Variants in CSRNP3 observed in about 807,000 individuals in gnomAD.
CSRNP3 encodes the protein cysteine/serine-rich nuclear protein 3.
CSRNP3 carries 12 observed loss-of-function variants against 48.0 expected under a neutral mutation model. That is an observed-to-expected ratio of 0.25 (90% CI 0.16 to 0.41). CSRNP3 has a LOEUF of 0.41. CSRNP3 is among the 10% of genes least tolerant of loss of function. The probability of loss-of-function intolerance (pLI) is 1.00; values close to 1 mark genes in which losing one functional copy is unlikely to be tolerated. For missense variants in CSRNP3, 580 were observed against 724.4 expected (o/e 0.80, Z 2.29); for synonymous variants, 263 against 269.7 (o/e 0.98, Z 0.24).
chr2:165,554,021 G>A (rs886936965), intron 3 of CSRNP3, among the ~76,000 whole-genome samples: 2 of 152,110 alleles, frequency 1.3e-5, no homozygotes, highest in African/African-American at 4.8e-5. Context: ...AAAACTGCTT[G>A]TGAAGATCAC....
Position 165,679,819 on chromosome 2 carries a change from G to T in CSRNP3, c.*66G>T. ...GGCACTGTATTTAATTGGATTTCCT[G>T]GGCTCATCATTGTTTAAACTGAAGA... On this transcript the variant is annotated 3_prime_UTR_variant, in exon 7 of 7. Coordinates refer to ENST00000651982, the MANE Select transcript of CSRNP3 (RefSeq NM_001172173.2). 1 of 1,536,748 alleles carries T rather than the reference G, an allele frequency of 6.5e-7. No individual in the cohort carries two copies.
chr2:165,492,166 C>T (rs1457788196), intron 1 of CSRNP3, among the ~76,000 whole-genome samples: 1 of 152,114 alleles, frequency 6.6e-6, no homozygotes, highest in Non-Finnish European at 1.5e-5. Context: ...CCACTGAATC[C>T]TCCCTACTAG....
At chr2:165,570,372 T>C (rs1219573486) in intron 3 of CSRNP3, among the ~76,000 whole-genome samples, 7 of 152,034 alleles carry the variant, frequency 4.6e-5, no homozygotes, top group Non-Finnish European at 1.0e-4. Flanking sequence ...GTGTTTTAAT[T>C]GCTAGCTATT....
chr2:165,637,276 G>T (rs1686643703), intron 4 of CSRNP3, among the ~76,000 whole-genome samples: 1 of 152,236 alleles, frequency 6.6e-6, no homozygotes, highest in Non-Finnish European at 1.5e-5. Flanking sequence ...AATGGAACGT[G>T]AATCCAAAAG....
chr2:165,597,914 TA>T (rs1468396933), intron 4 of CSRNP3, among the ~76,000 whole-genome samples: 2 of 152,162 alleles, frequency 1.3e-5, no homozygotes, highest in East Asian at 3.9e-4. Flanking sequence ...ATTTCTCCAA[TA>T]AAAAATACTA....
chr2:165,642,562 CTTT>C (rs36072196), intron 4 of CSRNP3, among the ~76,000 whole-genome samples: 2 of 135,250 alleles, frequency 1.5e-5, no homozygotes, highest in Non-Finnish European at 1.6e-5. Flanking sequence ...TATGCATATT[CTTT>C]TTTTTTTTTT....
chr2:165,515,180 C>G (rs1188334411), intron 2 of CSRNP3, among the ~76,000 whole-genome samples: 2 of 151,756 alleles, frequency 1.3e-5, no homozygotes, highest in African/African-American at 4.8e-5. Context: ...AAAATATTAG[C>G]CAGGTGTGCT....
chr2:165,558,596 T>C (rs550825671), intron 3 of CSRNP3, among the ~76,000 whole-genome samples: 1 of 152,250 alleles, frequency 6.6e-6, no homozygotes, highest in African/African-American at 2.4e-5. Context: ...TAAGAGAGTT[T>C]GTAAGACACA....
chr2:165,612,646 T>C (rs1468969119), intron 4 of CSRNP3, among the ~76,000 whole-genome samples: 1 of 152,020 alleles, frequency 6.6e-6, no homozygotes, highest in African/African-American at 2.4e-5. Flanking sequence ...AAATTTTTTT[T>C]AGCTCTCACA....
rs1401143160 is a variant in CSRNP3, at chr2:165,680,763, A to G, written c.*1010A>G. 2 of 152,208 alleles carry G rather than the reference A, an allele frequency of 1.3e-5. No individual in the cohort carries two copies. The highest frequency in any genetic ancestry group is 2.9e-5 in the Non-Finnish European group (2 of 68,038). The allele number at this position is 152,208 out of a possible 1,614,324, so 9.4% of individuals were successfully genotyped here. A position where few individuals can be genotyped will look rare whatever the true frequency, so the allele number is the denominator to read the frequency against. On this transcript the variant is annotated 3_prime_UTR_variant, in exon 7 of 7. Transcript: ENST00000651982. ...ATTAATATAGAGGAATCATCCAATG[A>G]TACTTATGAAGGGAAAATGACCTAT...
intron 5 of CSRNP3, among the ~76,000 whole-genome samples, chr2:165,667,966 A>G (rs1260960461): frequency 6.6e-5 from 10 of 152,224 alleles, no homozygotes; most frequent in Non-Finnish European, 1.3e-4. Context: ...AAGAATATTC[A>G]CTTATTCATT....
Position 165,661,072 on chromosome 2 carries a change from C to A in CSRNP3, c.408+3052C>A, listed in dbSNP as rs201707292. Among the ~76,000 whole-genome samples the A allele has an allele frequency of 5.3e-5, 8 of 152,242 alleles. No homozygotes were observed. In the East Asian group the frequency reaches 1.2e-3, roughly 22 times the overall value. On this transcript the variant is annotated intron_variant, in intron 5 of 6. Coordinates refer to ENST00000651982, the MANE Select transcript of CSRNP3 (RefSeq NM_001172173.2). ...CATTGTAATTCCTCTAGTATGTGAACTTTTATGATTTTTAAAATATTATTG... is the reference window on the plus strand; with the variant it reads ...CATTGTAATTCCTCTAGTATGTGAAATTTTATGATTTTTAAAATATTATTG...
At chr2:165,667,421 G>T (rs1382251868) in intron 5 of CSRNP3, among the ~76,000 whole-genome samples, 3 of 152,032 alleles carry the variant, frequency 2.0e-5, no homozygotes, top group Middle Eastern at 3.4e-3. Flanking sequence ...TTTTTTTCTA[G>T]AATATTGTTA....
intron 4 of CSRNP3, among the ~76,000 whole-genome samples, chr2:165,638,784 T>C (rs1387969094): frequency 2.0e-5 from 3 of 152,252 alleles, no homozygotes; most frequent in Non-Finnish European, 4.4e-5. Context: ...TTGTCAGCTT[T>C]GTATTCTTAA....
At chr2:165,666,293 A>C (rs762805695) in intron 5 of CSRNP3, among the ~76,000 whole-genome samples, 5 of 126,686 alleles carry the variant, frequency 3.9e-5, no homozygotes, top group Admixed American at 8.0e-5. Context: ...GGGAGAGAGG[A>C]AGAAAGAGAG....
intron 4 of CSRNP3, among the ~76,000 whole-genome samples, chr2:165,642,672 C>T (rs2105335518): frequency 6.6e-6 from 1 of 151,910 alleles, no homozygotes; most frequent in Non-Finnish European, 1.5e-5. Context: ...AAGAGATTCT[C>T]CTGCCTGAGA....
In CSRNP3 at chr2:165,684,487, G is replaced by A. The variant is rs78104281; in HGVS notation, c.*4734G>A. 2.6e-3 allele frequency: 402 copies of A among 152,208 alleles called. 1 individual carries two copies. The highest frequency in any genetic ancestry group is 9.3e-3 in the African/African-American group (386 of 41,542). The allele number at this position is 152,208 out of a possible 1,614,324, so 9.4% of individuals were successfully genotyped here. ...AGCACCTTTGTGCTTTCAAAGGCAA[G>A]ACTTGTCTGTAATTTTAAATTAGAA... is the stretch of plus-strand genomic sequence containing the variant. On this transcript the variant is annotated 3_prime_UTR_variant, in exon 7 of 7. Coordinates refer to ENST00000651982, the MANE Select transcript of CSRNP3 (RefSeq NM_001172173.2).
intron 3 of CSRNP3, among the ~76,000 whole-genome samples, chr2:165,535,791 A>T (rs913455130): frequency 6.6e-6 from 1 of 151,914 alleles, no homozygotes; most frequent in Admixed American, 6.6e-5. Flanking sequence ...AACCTGCTAG[A>T]TGAAAGAAAC....
chr2:165,595,362 C>T (rs565261882), intron 4 of CSRNP3, 149 bp downstream of exon 4: 13 of 698,932 alleles, frequency 1.9e-5, no homozygotes, highest in Admixed American at 8.9e-5. Flanking sequence ...AAATATTTTT[C>T]GGGTGACTCA....
Sources: gnomAD v4.1 joint callset for allele counts (sites outside exome capture counted in the v4.1 genomes callset) on GRCh38, gnomAD v4.1.1 for gene constraint, MANE v1.5 for transcripts, NCBI Gene and HGNC (gene_info 2026-07-23, HGNC 2026-07-21) for gene names.